The following ADRA1A variants were observed in gnomAD, a reference collection of about 807,000 sequenced individuals.
ADRA1A encodes the protein adrenoceptor alpha 1A.
Under a neutral mutation model 29.6 loss-of-function variants are expected in ADRA1A, and 31 were observed. The observed-to-expected ratio is 1.05, with a 90% CI of 0.79 to 1.41. ADRA1A has a LOEUF of 1.41. Ranked by LOEUF, ADRA1A falls within the 40% of genes most tolerant of loss-of-function variation. The pLI, the probability that ADRA1A is intolerant of heterozygous loss-of-function variation, is 0.00. For synonymous variants in ADRA1A, 311 were observed against 254.3 expected (o/e 1.22, Z -2.12); for missense variants, 619 against 601.1 (o/e 1.03, Z -0.31).
chr8:26,791,958 G>A (rs1395979809), intron 2 of ADRA1A, among the ~76,000 whole-genome samples: 1 of 152,094 alleles, frequency 6.6e-6, no homozygotes, highest in Non-Finnish European at 1.5e-5. Flanking sequence ...TTTCTTTAAT[G>A]GCTCTTGTCC....
At chr8:26,834,603 T>G (rs1190696720) in intron 2 of ADRA1A, among the ~76,000 whole-genome samples, 2 of 152,210 alleles carry the variant, frequency 1.3e-5, no homozygotes, top group African/African-American at 4.8e-5. Context: ...TATTTAGCCT[T>G]GTAGAGCACA....
At chr8:26,794,447 T>C (rs1458438463) in intron 2 of ADRA1A, among the ~76,000 whole-genome samples, 2 of 152,056 alleles carry the variant, frequency 1.3e-5, no homozygotes, top group Non-Finnish European at 2.9e-5. Flanking sequence ...AGATAGTAAA[T>C]ATTTTAGGCC....
In ADRA1A at chr8:26,770,497, A is replaced by G; in HGVS notation, c.1053T>C (p.Ser351=). Residue 351 remains serine (S), a synonymous_variant, in exon 3 of 3, where the codon TCT becomes TCC. Transcript: ENST00000380573. ...LRIQCLCRKQ[S]SKHALGYTLH... Reference sequence around the variant, plus strand: ...GGGTGTAGCCCAGGGCATGTTTGGAAGACTGCTTTCTGCAGAGACACTGGA... The same window carrying G: ...GGGTGTAGCCCAGGGCATGTTTGGAGGACTGCTTTCTGCAGAGACACTGGA... 6.2e-7 allele frequency: 1 copy of G among 1,614,202 alleles called. No homozygotes were observed. Among genetic ancestry groups the G allele is most frequent in the Non-Finnish European group, 8.5e-7 (1 of 1,180,038 alleles).
rs910933202 is a variant in ADRA1A, at chr8:26,865,640, G to A, written c.-671C>T. The A allele has an allele frequency of 6.0e-5, 59 of 986,100 alleles. No homozygotes were observed. The highest frequency in any genetic ancestry group is 6.6e-5 in the Non-Finnish European group (55 of 830,664). 61.1% of individuals were successfully genotyped at this position (986,100 alleles called of 1,614,324 possible). On this transcript the variant is annotated 5_prime_UTR_variant, in exon 2 of 3. The change creates a new upstream start codon in the 5' untranslated region. Coordinates refer to ENST00000380573, the MANE Select transcript of ADRA1A (RefSeq NM_000680.4). This position sits in a 1 kb window ranked among gnomAD's most constrained non-coding sequence, Gnocchi z 7.6. ...GAGACCCAGGAGGCTGCGGGGCATC[G>A]TTTGACCGCGTCCACCTGAAAGAGC...
At chr8:26,780,804 C>G in intron 2 of ADRA1A, among the ~76,000 whole-genome samples, 1 of 152,292 alleles carries the variant, frequency 6.6e-6, no homozygotes, top group South Asian at 2.1e-4. Context: ...AATAGGAGCA[C>G]CAACCCTATC....
chr8:26,826,415 G>C (rs1810573670), intron 2 of ADRA1A, among the ~76,000 whole-genome samples: 1 of 152,164 alleles, frequency 6.6e-6, no homozygotes, highest in Admixed American at 6.5e-5. Flanking sequence ...AGTGACTCTT[G>C]CCTTCATGGG....
Position 26,865,516 on chromosome 8 carries a change from C to T in ADRA1A, c.-547G>A. 1 of 991,722 alleles carries T rather than the reference C, an allele frequency of 1.0e-6. No individual in the cohort carries two copies. Among genetic ancestry groups the T allele is most frequent in the Non-Finnish European group, 1.2e-6 (1 of 834,246 alleles). 61.4% of individuals were successfully genotyped at this position (991,722 alleles called of 1,614,324 possible). A position where few individuals can be genotyped will look rare whatever the true frequency, so the allele number is the denominator to read the frequency against. ...GCTACAGGTTGGGCGCTGCTCCTGG[C>T]CCGCAGTTACCTACATTTTGAGCTG... On this transcript the variant is annotated 5_prime_UTR_variant, in exon 2 of 3. Transcript: ENST00000380573. The surrounding 1 kb of genome is among the most constrained non-coding windows in gnomAD (Gnocchi z 7.6).
rs113564954 is a variant in ADRA1A, at chr8:26,866,476, G to T, written c.-687+460C>A. On this transcript the variant is annotated intron_variant, in intron 1 of 2. Transcript: ENST00000380573. The surrounding 1 kb of genome is among the most constrained non-coding windows in gnomAD (Gnocchi z 5.7). ...TAAGCCGGCATGCCAGCGGGCAGGG[G>T]CCGCCTTCGATTTTCTGGGCTGGGG... is the stretch of plus-strand genomic sequence containing the variant. Among the ~76,000 whole-genome samples the T allele has an allele frequency of 1.6e-3, 251 of 152,306 alleles. 1 individual carries two copies. Among genetic ancestry groups the T allele is most frequent in the African/African-American group, 4.7e-3 (194 of 41,570 alleles).
intron 2 of ADRA1A, among the ~76,000 whole-genome samples, chr8:26,827,014 A>C (rs1418500300): frequency 6.6e-6 from 1 of 152,180 alleles, no homozygotes; most frequent in Admixed American, 6.5e-5. Context: ...GCAAATCACT[A>C]ACCCTCAGTT....
intron 2 of ADRA1A, among the ~76,000 whole-genome samples, chr8:26,804,177 C>T (rs1346907673): frequency 2.6e-5 from 4 of 151,842 alleles, no homozygotes; most frequent in African/African-American, 4.8e-5. Flanking sequence ...TGCCTTGGCC[C>T]CCCAAAGTGG....
chr8:26,861,452 G>A (rs1398816790), intron 2 of ADRA1A, among the ~76,000 whole-genome samples: 1 of 151,750 alleles, frequency 6.6e-6, no homozygotes, highest in Non-Finnish European at 1.5e-5. Context: ...AAGGTGCAGA[G>A]GCTCTGTTCT....
intron 2 of ADRA1A, among the ~76,000 whole-genome samples, chr8:26,771,466 C>T (rs1806137183): frequency 1.3e-5 from 2 of 152,258 alleles, no homozygotes; most frequent in Admixed American, 6.5e-5. Flanking sequence ...ATGCCCTTTT[C>T]CACCTTCTCT....
Position 26,769,179 on chromosome 8 carries a change from T to C in ADRA1A, c.*970A>G. The C allele has an allele frequency of 1.0e-6, 1 of 985,440 alleles. No homozygotes were observed. Among genetic ancestry groups the C allele is most frequent in the Non-Finnish European group, 1.2e-6 (1 of 829,912 alleles). The allele number at this position is 985,440 out of a possible 1,614,324, so 61.0% of individuals were successfully genotyped here. A position where few individuals can be genotyped will look rare whatever the true frequency, so the allele number is the denominator to read the frequency against. ...AAATATTATAAGCTCTGGATTTTCA[T>C]AACAGAGTTCTGGAACAGGTAAGTG... On this transcript the variant is annotated 3_prime_UTR_variant, in exon 3 of 3. Coordinates refer to ENST00000380573, the MANE Select transcript of ADRA1A (RefSeq NM_000680.4).
chr8:26,801,834 C>T (rs1808600206), intron 2 of ADRA1A, among the ~76,000 whole-genome samples: 1 of 152,134 alleles, frequency 6.6e-6, no homozygotes, highest in African/African-American at 2.4e-5. Flanking sequence ...CACTACCTGA[C>T]TTCAAATTAT....
chr8:26,836,668 G>A (rs1216753711), intron 2 of ADRA1A, among the ~76,000 whole-genome samples: 1 of 152,176 alleles, frequency 6.6e-6, no homozygotes, highest in African/African-American at 2.4e-5. Flanking sequence ...TTGTTGGTCT[G>A]GTAGTTCTTT....
At chr8:26,827,756 A>T (rs35869218) in intron 2 of ADRA1A, among the ~76,000 whole-genome samples, 3,065 of 152,062 alleles carry the variant, frequency 0.02, 65 homozygotes, top group Non-Finnish European at 0.03. Flanking sequence ...TGACCTACTC[A>T]CTTCCCAAAG....
intron 2 of ADRA1A, among the ~76,000 whole-genome samples, chr8:26,827,734 G>A (rs1171665045): frequency 6.6e-6 from 1 of 151,814 alleles, no homozygotes; most frequent in Non-Finnish European, 1.5e-5. Flanking sequence ...AAACATCAGC[G>A]CTCTGCCCTT....
chr8:26,791,607 G>A (rs1807839973), intron 2 of ADRA1A, among the ~76,000 whole-genome samples: 1 of 152,128 alleles, frequency 6.6e-6, no homozygotes, highest in Non-Finnish European at 1.5e-5. Flanking sequence ...TAGGAACTAA[G>A]AAAGACATTC....
chr8:26,830,574 T>C (rs1250126377), intron 2 of ADRA1A, among the ~76,000 whole-genome samples: 1 of 152,194 alleles, frequency 6.6e-6, no homozygotes, highest in Non-Finnish European at 1.5e-5. Flanking sequence ...CCAAAGACGG[T>C]TTGGCTAGAG....
Sources: allele counts gnomAD v4.1 joint callset (sites outside exome capture counted in the v4.1 genomes callset), GRCh38; gene constraint gnomAD v4.1.1; non-coding constraint Gnocchi (gnomAD v3.1); transcripts MANE v1.5; gene names NCBI Gene and HGNC (gene_info 2026-07-23, HGNC 2026-07-21).